The following LHFPL4 variants were observed in gnomAD, a reference collection of about 807,000 sequenced individuals.
The protein encoded by LHFPL4 is LHFPL tetraspan subfamily member 4, also known as LHFPL tetraspan subfamily member 4 protein.
A neutral mutation model predicts 20.0 loss-of-function variants in LHFPL4; 6 were observed. That is an observed-to-expected ratio of 0.30 (90% CI 0.16 to 0.59). The LOEUF is 0.59. Ranked by LOEUF, LHFPL4 falls within the 20% of genes least tolerant of loss-of-function variation. The pLI, the probability that LHFPL4 is intolerant of heterozygous loss-of-function variation, is 0.88. For synonymous variants in LHFPL4, 129 were observed against 143.8 expected (o/e 0.90, Z 0.74); for missense variants, 215 against 331.2 (o/e 0.65, Z 2.72).
chr3:9,542,298 A>T (rs117627624), intron 2 of LHFPL4, among the ~76,000 whole-genome samples: 1 of 152,294 alleles, frequency 6.6e-6, no homozygotes, highest in Admixed American at 6.5e-5. Context: ...AAAGAAAAAA[A>T]AGAAATTTGT....
chr3:9,505,938 C>T (rs1489361825), intron 3 of LHFPL4, 29 bp downstream of exon 3: 16 of 1,598,808 alleles, frequency 1.0e-5, no homozygotes, highest in Admixed American at 1.7e-5. Flanking sequence ...TGGCTCCCGC[C>T]GCTGCCCCCC....
chr3:9,518,581 A>T lies in LHFPL4; in HGVS notation c.407-12378T>A, dbSNP rs2046317964. On this transcript the variant is annotated intron_variant, in intron 2 of 3. Transcript: ENST00000287585. ...AGGTTATTGATTACTAATTCAATAG[A>T]TATAGGTTTATTTATGTTGCCTATT... 2.0e-5 allele frequency among the ~76,000 whole-genome samples: 3 copies of T among 152,246 alleles called. No homozygotes were observed. The South Asian group carries it at 6.2e-4, about 32-fold the overall frequency.
chr3:9,520,041 G>T (rs953084873), intron 2 of LHFPL4, among the ~76,000 whole-genome samples: 4 of 152,106 alleles, frequency 2.6e-5, no homozygotes, highest in Admixed American at 2.6e-4. Flanking sequence ...AAGCTTAAAT[G>T]ATTGAGTTTA....
intron 2 of LHFPL4, among the ~76,000 whole-genome samples, chr3:9,544,167 G>C (rs538045875): frequency 4.6e-5 from 7 of 152,048 alleles, no homozygotes; most frequent in Non-Finnish European, 8.8e-5. Context: ...AGAAACAGGT[G>C]GGGGAGAGGA....
intron 2 of LHFPL4, among the ~76,000 whole-genome samples, chr3:9,540,060 A>G (rs995023907): frequency 2.0e-5 from 3 of 152,198 alleles, no homozygotes; most frequent in Non-Finnish European, 4.4e-5. Flanking sequence ...GTCAAATTGT[A>G]AATGTATATA....
intron 2 of LHFPL4, among the ~76,000 whole-genome samples, chr3:9,534,839 C>T (rs1325707883): frequency 6.6e-6 from 1 of 152,122 alleles, no homozygotes. Context: ...CCTCTTTTGA[C>T]TGAGCTTGCC....
rs1271239643 is a variant in LHFPL4, at chr3:9,506,124, C to G, written c.486G>C (p.Lys162Asn). The G allele has an allele frequency of 6.2e-7, 1 of 1,614,090 alleles. No homozygotes were observed. Among genetic ancestry groups the G allele is most frequent in the African/African-American group, 1.3e-5 (1 of 74,938 alleles). Reference sequence around the variant, plus strand: ...AGTCCCCCAGGGAGTACTTCCCCGTCTTGGCCCCACACATGTCCCGGATGG... The same window carrying G: ...AGTCCCCCAGGGAGTACTTCCCCGTGTTGGCCCCACACATGTCCCGGATGG... The part of the protein sequence containing the change: ...AETIRDMCGA[K>N]TGKYSLGDCS... The change falls in exon 3 of 4, where the codon AAG (lysine) becomes AAC (asparagine). Residue 162 changes from lysine to asparagine, a missense_variant. By Grantham distance (94) the Lys-to-Asn change is moderately conservative. Around this residue, in one of 2 missense-constraint regions of LHFPL4, gnomAD observed 164 missense variants for 286.7 expected, o/e 0.57. Transcript: ENST00000287585. The surrounding 1 kb of genome is among the most constrained non-coding windows in gnomAD (Gnocchi z 4.5).
chr3:9,507,431 A>C (rs2046226389), intron 2 of LHFPL4, among the ~76,000 whole-genome samples: 1 of 152,234 alleles, frequency 6.6e-6, no homozygotes, highest in African/African-American at 2.4e-5. Flanking sequence ...GGGGATAATG[A>C]TGGTATCCTC....
intron 2 of LHFPL4, among the ~76,000 whole-genome samples, chr3:9,520,958 T>C (rs1033659835): frequency 2.0e-5 from 3 of 152,144 alleles, no homozygotes; most frequent in African/African-American, 7.2e-5. Flanking sequence ...AGCTATGTCC[T>C]TACTGATTTT....
At chr3:9,508,319 G>C (rs1041270179) in intron 2 of LHFPL4, among the ~76,000 whole-genome samples, 1 of 151,806 alleles carries the variant, frequency 6.6e-6, no homozygotes, top group Non-Finnish European at 1.5e-5. Context: ...TACTATGATC[G>C]AACAGACACT....
chr3:9,530,863 T>C (rs931220760), intron 2 of LHFPL4, among the ~76,000 whole-genome samples: 1 of 152,296 alleles, frequency 6.6e-6, no homozygotes, highest in South Asian at 2.1e-4. Context: ...TCCTGCAAAG[T>C]GCTGGGATAA....
intron 2 of LHFPL4, among the ~76,000 whole-genome samples, chr3:9,550,166 C>A (rs1461232555): frequency 6.6e-6 from 1 of 152,196 alleles, no homozygotes; most frequent in Non-Finnish European, 1.5e-5. Context: ...AGAACCCCCA[C>A]CCCAAGACTC....
chr3:9,545,217 G>A (rs893290621), intron 2 of LHFPL4, among the ~76,000 whole-genome samples: 4 of 152,048 alleles, frequency 2.6e-5, no homozygotes, highest in Non-Finnish European at 2.9e-5. Context: ...AAAGAGAGAG[G>A]AAGGAAGGGA....
At position 9,552,391 on chromosome 3, in the gene LHFPL4, A is replaced by G. The variant is rs759901156; in HGVS notation, c.289T>C (p.Phe97Leu). The G allele has an allele frequency of 1.2e-5, 20 of 1,613,824 alleles. No homozygotes were observed. In the East Asian group the frequency reaches 4.0e-4, roughly 32 times the overall value. ...AGCACCATGGAGAGCAGCACGAAGA[A>G]GGCGGCCGCCTTGAAGGCGCTGGAC... is the stretch of plus-strand genomic sequence containing the variant. ...IPSSAFKAAA[F>L]FVLLSMVLIL... is the part of the protein sequence containing the mutation. The change falls in exon 2 of 4, where the codon TTC becomes CTC. Residue 97 changes from phenylalanine to leucine, a missense_variant. This residue lies in a region of LHFPL4 where 164 missense variants were observed against 286.7 expected (regional missense o/e 0.57). Transcript: ENST00000287585.
chr3:9,513,108 C>T (rs372370977), intron 2 of LHFPL4, among the ~76,000 whole-genome samples: 1 of 151,440 alleles, frequency 6.6e-6, no homozygotes, highest in African/African-American at 2.4e-5. Flanking sequence ...TACAGGCGCC[C>T]GCCACTACTC....
At chr3:9,532,528 T>A (rs556779852) in intron 2 of LHFPL4, among the ~76,000 whole-genome samples, 1 of 152,196 alleles carries the variant, frequency 6.6e-6, no homozygotes, top group African/African-American at 2.4e-5. Context: ...TTTGTAGAAA[T>A]GGAGTCTCAC....
At chr3:9,548,774 C>T (rs2046534142) in intron 2 of LHFPL4, among the ~76,000 whole-genome samples, 1 of 152,134 alleles carries the variant, frequency 6.6e-6, no homozygotes, top group Non-Finnish European at 1.5e-5. Flanking sequence ...GCATGTGGCT[C>T]GGGCCTTAGA....
rs2046177672 is a variant in LHFPL4, at chr3:9,501,864, G to A, written c.*347C>T. Reference sequence around the variant, plus strand: ...GGCGGCAGCCCTCCAGACTGAGGGGGCCTGGGGAGCTGGAACTACAGCTCC... The same window carrying A: ...GGCGGCAGCCCTCCAGACTGAGGGGACCTGGGGAGCTGGAACTACAGCTCC... On this transcript the variant is annotated 3_prime_UTR_variant, in exon 4 of 4. Coordinates refer to ENST00000287585, the MANE Select transcript of LHFPL4 (RefSeq NM_198560.3). The A allele has an allele frequency of 7.6e-6, 2 of 261,594 alleles. No homozygotes were observed. Among genetic ancestry groups the A allele is most frequent in the South Asian group, 1.9e-4 (2 of 10,740 alleles). 16.2% of individuals were successfully genotyped at this position (261,594 alleles called of 1,614,324 possible).
chr3:9,543,515 GA>G (rs1237559400), intron 2 of LHFPL4, among the ~76,000 whole-genome samples: 1 of 149,132 alleles, frequency 6.7e-6, no homozygotes, highest in Admixed American at 6.7e-5. Context: ...AAAAAAAAAA[GA>G]AAAAAAAAGT....
Sources: gnomAD v4.1 joint callset for allele counts (sites outside exome capture counted in the v4.1 genomes callset) on GRCh38, gnomAD v4.1.1 for gene constraint, gnomAD v4.1.1 regional missense constraint, Gnocchi (gnomAD v3.1) non-coding constraint, MANE v1.5 for transcripts, NCBI Gene and HGNC (gene_info 2026-07-23, HGNC 2026-07-21) for gene names.